Variants in MYT1L observed in about 807,000 individuals in gnomAD.
The protein encoded by MYT1L is myelin transcription factor 1 like.
In MYT1L, 12 loss-of-function variants were observed where a neutral mutation model predicts 126.7. The observed-to-expected ratio is 0.09, with a 90% confidence interval of 0.06 to 0.15. The LOEUF (loss-of-function observed/expected upper bound fraction) is 0.15, where lower values mean the gene tolerates loss of function less well. Ranked by LOEUF, MYT1L falls within the 10% of genes least tolerant of loss-of-function variation. The probability of loss-of-function intolerance (pLI) is 1.00; values close to 1 mark genes in which losing one functional copy is unlikely to be tolerated. For missense variants in MYT1L, 979 were observed against 1,585.2 expected (o/e 0.62, Z 6.49); for synonymous variants, 541 against 604.2 (o/e 0.90, Z 1.53).
At position 1,922,659 on chromosome 2, in the gene MYT1L, C is replaced by A. The variant is rs1391464690; in HGVS notation, c.1110G>T (p.Arg370Ser). The A allele has an allele frequency of 1.9e-6, 3 of 1,613,790 alleles. No homozygotes were observed. The highest frequency in any genetic ancestry group is 3.3e-5 in the Admixed American group (2 of 59,982). Residue 370 changes from arginine to serine, a missense_variant, in exon 10 of 25, where the codon AGG becomes AGT. Arg to Ser is a moderately radical substitution (Grantham distance 110). Around this residue, in one of 12 missense-constraint regions of MYT1L, gnomAD observed 243 missense variants for 363.9 expected, o/e 0.67. Transcript: ENST00000647738. This position sits in a 1 kb window ranked among gnomAD's most constrained non-coding sequence, Gnocchi z 7.4. ...TGTCCGAGTAGTTTCTGTCCGGCGT[C>A]CTTCCGGGGAAGTCCTCTTCTGGCC... ...HVRPEEDFPG[R>S]TPDRNYSDML...
chr2:2,306,817 A>G (rs1404476531), intron 1 of MYT1L, among the ~76,000 whole-genome samples: 2 of 152,224 alleles, frequency 1.3e-5, no homozygotes, highest in Non-Finnish European at 2.9e-5. Flanking sequence ...TCTGATAGGA[A>G]TATACATCTA....
At chr2:2,000,663 C>T (rs1187161547) in intron 4 of MYT1L, among the ~76,000 whole-genome samples, 1 of 152,166 alleles carries the variant, frequency 6.6e-6, no homozygotes, top group African/African-American at 2.4e-5. Flanking sequence ...TTATGAATCC[C>T]ATGGTTTGAG....
At chr2:2,041,641 G>C (rs1421703300) in intron 4 of MYT1L, among the ~76,000 whole-genome samples, 2 of 152,102 alleles carry the variant, frequency 1.3e-5, no homozygotes, top group Non-Finnish European at 2.9e-5. Flanking sequence ...CCCCATGGCC[G>C]GCCCCAGGAG....
intron 2 of MYT1L, among the ~76,000 whole-genome samples, chr2:2,213,568 G>T (rs1233858177): frequency 6.6e-6 from 1 of 152,208 alleles, no homozygotes; most frequent in African/African-American, 2.4e-5. Context: ...GTTCTCGTCA[G>T]CCAGGTGCTA....
chr2:2,267,609 C>T (rs947379533), intron 2 of MYT1L, among the ~76,000 whole-genome samples: 4 of 152,072 alleles, frequency 2.6e-5, no homozygotes, highest in Non-Finnish European at 4.4e-5. Context: ...CAGGGAAGGC[C>T]GAGGTTGCCC....
At chr2:2,120,171 C>T (rs1015128841) in intron 3 of MYT1L, among the ~76,000 whole-genome samples, 4 of 152,136 alleles carry the variant, frequency 2.6e-5, no homozygotes, top group African/African-American at 9.7e-5. Context: ...GTCAAATTAG[C>T]TCAATCAGCT....
At chr2:2,265,494 G>A (rs1274535087) in intron 2 of MYT1L, among the ~76,000 whole-genome samples, 1 of 152,094 alleles carries the variant, frequency 6.6e-6, no homozygotes, top group Non-Finnish European at 1.5e-5. Flanking sequence ...TGCAGCCAGT[G>A]GCATGTGAAA....
intron 3 of MYT1L, among the ~76,000 whole-genome samples, chr2:2,105,067 T>C (rs2078580852): frequency 6.6e-6 from 1 of 152,256 alleles, no homozygotes; most frequent in Non-Finnish European, 1.5e-5. Flanking sequence ...TGTTCTGTAA[T>C]ATCATCTACT....
At chr2:2,252,673 T>C (rs2094685915) in intron 2 of MYT1L, among the ~76,000 whole-genome samples, 1 of 152,168 alleles carries the variant, frequency 6.6e-6, no homozygotes, top group African/African-American at 2.4e-5. Flanking sequence ...GGGCCCGGCA[T>C]GCAAAGCTCC....
intron 2 of MYT1L, among the ~76,000 whole-genome samples, chr2:2,197,693 GCACA>G (rs927917644): frequency 1.6e-5 from 2 of 126,870 alleles, no homozygotes; most frequent in East Asian, 2.4e-4. Flanking sequence ...ATACATACAT[GCACA>G]CACACACAAC....
At chr2:2,246,498 G>C (rs541967444) in intron 2 of MYT1L, among the ~76,000 whole-genome samples, 1 of 152,304 alleles carries the variant, frequency 6.6e-6, no homozygotes, top group South Asian at 2.1e-4. Context: ...AAGAAAGAAA[G>C]CTCATCAGCA....
chr2:1,949,361 A>C (rs529651681), intron 8 of MYT1L, among the ~76,000 whole-genome samples: 2 of 152,276 alleles, frequency 1.3e-5, no homozygotes, highest in Admixed American at 1.3e-4. Context: ...GAGGCCTGGC[A>C]TCCCGTCACC....
chr2:1,956,501 TTCCTA>T (rs1451783070), intron 8 of MYT1L, among the ~76,000 whole-genome samples: 16 of 137,290 alleles, frequency 1.2e-4, no homozygotes, highest in African/African-American at 4.4e-4. Flanking sequence ...TATTCTATAT[TTCCTA>T]TTCTATCTAT....
intron 23 of MYT1L, among the ~76,000 whole-genome samples, chr2:1,798,530 T>C (rs2034249708): frequency 6.6e-6 from 1 of 152,136 alleles, no homozygotes; most frequent in Admixed American, 6.5e-5. Context: ...CAGCCCTGTG[T>C]CATCTCTGGC....
rs550344530 is a variant in MYT1L, at chr2:2,328,021, A to T, written c.-521+2946T>A. Among the ~76,000 whole-genome samples, 3 of 152,344 alleles carry T rather than the reference A, an allele frequency of 2.0e-5. No individual in the cohort carries two copies. In the East Asian group the frequency reaches 5.8e-4, roughly 29 times the overall value. On this transcript the variant is annotated intron_variant, in intron 1 of 24. Coordinates refer to ENST00000647738, the MANE Select transcript of MYT1L (RefSeq NM_001303052.2). ...AGTTTATGCATGTGACTTTGAAAACATTATTTACTTGACAAAATTAATTTT... is the reference window on the plus strand; with the variant it reads ...AGTTTATGCATGTGACTTTGAAAACTTTATTTACTTGACAAAATTAATTTT...
intron 3 of MYT1L, among the ~76,000 whole-genome samples, chr2:2,113,582 T>C (rs1299296361): frequency 6.6e-6 from 1 of 152,218 alleles, no homozygotes; most frequent in East Asian, 1.9e-4. Flanking sequence ...ATTGTTCTGT[T>C]GTATGTGCTG....
At chr2:2,277,175 A>T (rs1004167483) in intron 2 of MYT1L, among the ~76,000 whole-genome samples, 1 of 151,580 alleles carries the variant, frequency 6.6e-6, no homozygotes, top group Non-Finnish European at 1.5e-5. Context: ...TTTAGTAGAG[A>T]TGGGGTTTAT....
At chr2:1,828,166 T>G (rs1366179298) in intron 21 of MYT1L, 1 of 152,132 alleles carries the variant, frequency 6.6e-6, no homozygotes, top group Non-Finnish European at 1.5e-5. Flanking sequence ...GTGTAAAAAC[T>G]ATGGCTACTC....
chr2:2,299,321 TAGCGGCCCATGTGAGCCGCC>T (rs2095748841), intron 1 of MYT1L, among the ~76,000 whole-genome samples: 1 of 152,230 alleles, frequency 6.6e-6, no homozygotes, highest in Non-Finnish European at 1.5e-5. Flanking sequence ...TCCTGGTGCC[TAGCGGCCCATGTGAGCCGCC>T]AGCAGGGACC....
Sources: allele counts gnomAD v4.1 joint callset (sites outside exome capture counted in the v4.1 genomes callset), GRCh38; gene constraint gnomAD v4.1.1; regional missense constraint gnomAD v4.1.1; non-coding constraint Gnocchi (gnomAD v3.1); transcripts MANE v1.5; gene names NCBI Gene and HGNC (gene_info 2026-07-23, HGNC 2026-07-21).